Variants in GGNBP2 observed in about 807,000 individuals in gnomAD.
GGNBP2 encodes the protein gametogenetin-binding protein 2.
Under a neutral mutation model 85.9 loss-of-function variants are expected in GGNBP2, and 10 were observed. The observed-to-expected ratio is 0.12, with a 90% CI of 0.07 to 0.20. GGNBP2 has a LOEUF of 0.20. Ranked by LOEUF, GGNBP2 falls within the 10% of genes least tolerant of loss-of-function variation. The pLI, the probability that GGNBP2 is intolerant of heterozygous loss-of-function variation, is 1.00. For missense variants in GGNBP2, 595 were observed against 857.8 expected (o/e 0.69, Z 3.83); for synonymous variants, 287 against 285.7 (o/e 1.00, Z -0.05).
intron 6 of GGNBP2, chr17:36,577,724 T>C: frequency 2.0e-6 from 1 of 505,840 alleles, no homozygotes; most frequent in Middle Eastern, 5.6e-4. Flanking sequence ...TTTTATGAAA[T>C]AATAGGTATG....
intron 3 of GGNBP2, among the ~76,000 whole-genome samples, chr17:36,556,838 G>T (rs1599506122): frequency 2.4e-5 from 3 of 126,282 alleles, no homozygotes; most frequent in African/African-American, 9.3e-5. Flanking sequence ...ATGCAGTACT[G>T]CTTTTTGGCA....
At chr17:36,549,390 AGAT>A (rs1191193015) in intron 2 of GGNBP2, among the ~76,000 whole-genome samples, 1 of 152,108 alleles carries the variant, frequency 6.6e-6, no homozygotes, top group African/African-American at 2.4e-5. Flanking sequence ...TTTTTAGAAG[AGAT>A]GGGGGTTTCC....
chr17:36,559,003 A>C (rs1450961577), intron 4 of GGNBP2, among the ~76,000 whole-genome samples: 1 of 152,132 alleles, frequency 6.6e-6, no homozygotes, highest in Non-Finnish European at 1.5e-5. Context: ...TTTGTGATGT[A>C]AAGAATGGAC....
intron 6 of GGNBP2, among the ~76,000 whole-genome samples, chr17:36,575,656 T>TTC (rs2074573151): frequency 9.2e-6 from 1 of 108,194 alleles, no homozygotes; most frequent in Non-Finnish European, 1.8e-5. Flanking sequence ...ATATTTTTTT[T>TTC]TTTTTTTGAG....
intron 9 of GGNBP2, chr17:36,582,084 G>T (rs1028161035): frequency 1.3e-5 from 2 of 152,154 alleles, no homozygotes; most frequent in African/African-American, 4.8e-5. Context: ...TTACCATGTT[G>T]TTCAGGCTGG....
intron 6 of GGNBP2, among the ~76,000 whole-genome samples, chr17:36,569,547 T>C (rs755661923): frequency 2.6e-5 from 4 of 152,212 alleles, no homozygotes; most frequent in Admixed American, 2.0e-4. Context: ...ATTTTGGGAG[T>C]GCCTCTAAAA....
chr17:36,557,074 C>T lies in GGNBP2; in HGVS notation c.175-9C>T. On this transcript the variant is annotated splice_polypyrimidine_tract_variant and intron_variant, in intron 3 of 13. Coordinates refer to ENST00000613102, the MANE Select transcript of GGNBP2 (RefSeq NM_024835.5). ...AAGGACACTCTTTCATTTTCTTTCC[C>T]TCTTTCAGCGACATGGTATGCTTAA... is the stretch of plus-strand genomic sequence containing the variant. 2 of 1,613,644 alleles carry T rather than the reference C, an allele frequency of 1.2e-6. No individual in the cohort carries two copies. Among genetic ancestry groups the T allele is most frequent in the Non-Finnish European group, 8.5e-7 (1 of 1,179,686 alleles).
intron 2 of GGNBP2, among the ~76,000 whole-genome samples, chr17:36,549,642 T>C (rs2074289862): frequency 6.6e-6 from 1 of 152,244 alleles, no homozygotes; most frequent in South Asian, 2.1e-4. Flanking sequence ...TCTGTAACTT[T>C]TTGTCCTTAT....
chr17:36,557,055 A>G, intron 3 of GGNBP2, 28 bp from the exon 4 acceptor site: 3 of 1,606,948 alleles, frequency 1.9e-6, no homozygotes, highest in Middle Eastern at 3.3e-4. Flanking sequence ...TTTAAAGGAC[A>G]CTCTTTCATT....
chr17:36,584,289 C>T (rs1223807388), intron 9 of GGNBP2, among the ~76,000 whole-genome samples: 2 of 152,194 alleles, frequency 1.3e-5, no homozygotes, highest in Non-Finnish European at 2.9e-5. Context: ...AAGTACGTTT[C>T]CTTGAGACAG....
chr17:36,589,536 T>C lies in GGNBP2; in HGVS notation c.*125T>C. 2 of 704,976 alleles carry C rather than the reference T, an allele frequency of 2.8e-6. No individual in the cohort carries two copies. The highest frequency in any genetic ancestry group is 1.8e-5 in the South Asian group (1 of 55,906). 43.7% of individuals were successfully genotyped at this position (704,976 alleles called of 1,614,324 possible). ...ATCTTAAATCAATGTGATTCTTTCT[T>C]GTTTTGGGAGACGGTGGAGGTATCC... On this transcript the variant is annotated 3_prime_UTR_variant, in exon 14 of 14. Coordinates refer to ENST00000613102, the MANE Select transcript of GGNBP2 (RefSeq NM_024835.5).
chr17:36,567,203 A>G (rs1418193482), intron 5 of GGNBP2, among the ~76,000 whole-genome samples: 1 of 152,084 alleles, frequency 6.6e-6, no homozygotes, highest in South Asian at 2.1e-4. Flanking sequence ...TGCTCTCTTG[A>G]TAACTACAGA....
At chr17:36,554,201 C>T (rs1490454544) in intron 2 of GGNBP2, among the ~76,000 whole-genome samples, 2 of 149,532 alleles carry the variant, frequency 1.3e-5, no homozygotes, top group Non-Finnish European at 3.0e-5. Context: ...CCCAGCTACT[C>T]GCGAGGCTGA....
chr17:36,575,188 A>C (rs553884011), intron 6 of GGNBP2: 1 of 648,710 alleles, frequency 1.5e-6, no homozygotes, highest in South Asian at 1.6e-5. Context: ...CCTTGCCTCC[A>C]TGAGCTCTGC....
At chr17:36,565,171 A>G (rs528182525) in intron 5 of GGNBP2, among the ~76,000 whole-genome samples, 3 of 152,332 alleles carry the variant, frequency 2.0e-5, no homozygotes, top group South Asian at 2.1e-4. Context: ...CAAGGACCCA[A>G]AAGTGGACAT....
chr17:36,557,453 AAGTT>A (rs2074373709), intron 4 of GGNBP2, 117 bp downstream of exon 4: 3 of 846,920 alleles, frequency 3.5e-6, no homozygotes, highest in Non-Finnish European at 5.5e-6. Context: ...TTTATTGAGT[AAGTT>A]GTATGTACCA....
At chr17:36,560,951 C>T in intron 5 of GGNBP2, 80 bp downstream of exon 5, 1 of 754,214 alleles carries the variant, frequency 1.3e-6, no homozygotes, top group Admixed American at 2.8e-5. Flanking sequence ...GAAATAAACC[C>T]ACTGTTTGCT....
intron 2 of GGNBP2, among the ~76,000 whole-genome samples, chr17:36,548,797 C>T (rs950783850): frequency 6.6e-6 from 1 of 151,592 alleles, no homozygotes; most frequent in Non-Finnish European, 1.5e-5. Flanking sequence ...ACAAAAAAAT[C>T]AGTGGGTGTG....
intron 7 of GGNBP2, 27 bp from the exon 8 acceptor site, chr17:36,579,218 T>A: frequency 6.3e-7 from 1 of 1,594,944 alleles, no homozygotes; most frequent in Non-Finnish European, 8.6e-7. Flanking sequence ...GTTAAAGGTA[T>A]TAGTGTGTGA....
Sources: gnomAD v4.1 joint callset for allele counts (sites outside exome capture counted in the v4.1 genomes callset) on GRCh38, gnomAD v4.1.1 for gene constraint, MANE v1.5 for transcripts, NCBI Gene and HGNC (gene_info 2026-07-23, HGNC 2026-07-21) for gene names.